The following TENM3 variants were observed in gnomAD, a reference collection of about 807,000 sequenced individuals.
TENM3 encodes teneurin transmembrane protein 3.
A neutral mutation model predicts 255.1 loss-of-function variants in TENM3; 63 were observed. That is an observed-to-expected ratio of 0.25 (90% CI 0.20 to 0.30). TENM3 has a LOEUF of 0.30. Ranked by LOEUF, TENM3 falls within the 10% of genes least tolerant of loss-of-function variation. The pLI is 1.00. For missense variants in TENM3, 2,929 were observed against 3,461.1 expected (o/e 0.85, Z 3.86); for synonymous variants, 1,306 against 1,322.3 (o/e 0.99, Z 0.27).
chr4:181,749,976 C>T, the TENM3 span, among the ~76,000 whole-genome samples: 1 of 152,112 alleles, frequency 6.6e-6, no homozygotes, highest in Non-Finnish European at 1.5e-5. Context: ...CTTCAGTGAT[C>T]CCTTATTAAA....
At chr4:181,569,071 G>A in the TENM3 span, among the ~76,000 whole-genome samples, 31 of 152,200 alleles carry the variant, frequency 2.0e-4, no homozygotes, top group Non-Finnish European at 4.1e-4. Context: ...AGTGGCTCAT[G>A]CCTATAATCC....
At chr4:182,451,782 A>G (rs1397031716) in intron 3 of TENM3, among the ~76,000 whole-genome samples, 2 of 152,204 alleles carry the variant, frequency 1.3e-5, no homozygotes, top group African/African-American at 4.8e-5. Context: ...AGTGGGGAAA[A>G]AAGATCTGTT....
intron 3 of TENM3, among the ~76,000 whole-genome samples, chr4:182,539,334 C>T (rs1451654202): frequency 2.6e-5 from 4 of 151,928 alleles, no homozygotes; most frequent in Non-Finnish European, 5.9e-5. Context: ...GATTCATTTA[C>T]GTGGAGAATA....
At chr4:182,784,966 G>A (rs918176729) in intron 24 of TENM3, among the ~76,000 whole-genome samples, 1 of 152,178 alleles carries the variant, frequency 6.6e-6, no homozygotes, top group African/African-American at 2.4e-5. Flanking sequence ...GCACTCCCTA[G>A]TGGGATGAAC....
intron 3 of TENM3, among the ~76,000 whole-genome samples, chr4:182,441,645 G>A (rs898009259): frequency 1.1e-4 from 17 of 152,132 alleles, no homozygotes; most frequent in Non-Finnish European, 1.9e-4. Context: ...CTACAGGCAC[G>A]TGCCACCACG....
intron 3 of TENM3, among the ~76,000 whole-genome samples, chr4:182,592,731 T>C (rs769293673): frequency 1.3e-5 from 2 of 152,080 alleles, no homozygotes; most frequent in African/African-American, 2.4e-5. Flanking sequence ...AATCATATGA[T>C]AGTAAAATAT....
intron 3 of TENM3, among the ~76,000 whole-genome samples, chr4:182,533,300 C>T (rs1174925151): frequency 6.6e-6 from 1 of 152,044 alleles, no homozygotes; most frequent in African/African-American, 2.4e-5. Flanking sequence ...CCTGTAGTCC[C>T]AAGCACTTTG....
the TENM3 span, among the ~76,000 whole-genome samples, chr4:181,878,943 T>C: frequency 6.6e-6 from 1 of 152,172 alleles, no homozygotes; most frequent in Non-Finnish European, 1.5e-5. Context: ...GTTGTCTCTG[T>C]TCTTGGCAGC....
At chr4:182,441,032 C>T (rs1313291583) in intron 3 of TENM3, among the ~76,000 whole-genome samples, 1 of 152,010 alleles carries the variant, frequency 6.6e-6, no homozygotes, top group Non-Finnish European at 1.5e-5. Context: ...TAATGTATTA[C>T]TTGGAATGGC....
At chr4:181,792,052 G>A in the TENM3 span, among the ~76,000 whole-genome samples, 9 of 152,258 alleles carry the variant, frequency 5.9e-5, no homozygotes, top group South Asian at 6.2e-4. Context: ...CTGAGTTTCC[G>A]ACTGCATTTT....
At chr4:181,609,418 C>G in the TENM3 span, among the ~76,000 whole-genome samples, 1 of 145,716 alleles carries the variant, frequency 6.9e-6, no homozygotes, top group Non-Finnish European at 1.5e-5. Context: ...GAATATATTG[C>G]AGTTTTTTGC....
upstream of TENM3, among the ~76,000 whole-genome samples, chr4:182,241,383 T>C (rs1757241685): frequency 6.6e-6 from 1 of 152,200 alleles, no homozygotes; most frequent in Non-Finnish European, 1.5e-5. Flanking sequence ...TCATCCCTTC[T>C]TCTGTTCAGT....
At chr4:181,781,681 A>G in the TENM3 span, among the ~76,000 whole-genome samples, 2 of 152,338 alleles carry the variant, frequency 1.3e-5, no homozygotes, top group African/African-American at 4.8e-5. Context: ...GAGAGAGGGC[A>G]TCCCTGTCTT....
intron 3 of TENM3, among the ~76,000 whole-genome samples, chr4:182,599,084 T>TAGGC (rs1342087053): frequency 6.6e-6 from 1 of 152,206 alleles, no homozygotes; most frequent in African/African-American, 2.4e-5. Context: ...CAACCTAGTC[T>TAGGC]AGGCCCTCAT....
chr4:181,829,627 C>T, the TENM3 span, among the ~76,000 whole-genome samples: 1 of 152,192 alleles, frequency 6.6e-6, no homozygotes, highest in Non-Finnish European at 1.5e-5. Context: ...CTAGATGCTG[C>T]CCAATAGGCT....
the TENM3 span, among the ~76,000 whole-genome samples, chr4:181,595,972 C>T: frequency 6.6e-6 from 1 of 152,128 alleles, no homozygotes. Flanking sequence ...CTTTTCCTTG[C>T]TCTTAAAAAG....
chr4:181,595,808 C>T, the TENM3 span, among the ~76,000 whole-genome samples: 1 of 152,040 alleles, frequency 6.6e-6, no homozygotes, highest in African/African-American at 2.4e-5. Flanking sequence ...TTTCCTTGCT[C>T]ATCCTTCTAC....
intron 1 of TENM3, among the ~76,000 whole-genome samples, chr4:182,253,293 G>C (rs902592106): frequency 1.3e-5 from 2 of 152,134 alleles, no homozygotes; most frequent in Non-Finnish European, 2.9e-5. Context: ...CCAACATGGT[G>C]AAACCATATC....
At chr4:182,330,427 C>T (rs575161497) in intron 2 of TENM3, among the ~76,000 whole-genome samples, 105 of 152,166 alleles carry the variant, frequency 6.9e-4, no homozygotes, top group African/African-American at 1.1e-3. Context: ...TTCAGAGATA[C>T]GGCTGTTGCT....
Sources: allele counts gnomAD v4.1 joint callset (sites outside exome capture counted in the v4.1 genomes callset), GRCh38; gene constraint gnomAD v4.1.1; transcripts MANE v1.5; gene names NCBI Gene and HGNC (gene_info 2026-07-23, HGNC 2026-07-21).